ATP2B2: variants seen among roughly 807,000 people sequenced by gnomAD.
ATP2B2 encodes the protein ATPase plasma membrane Ca2+ transporting 2, also known as plasma membrane calcium-transporting ATPase 2.
ATP2B2 carries 15 observed loss-of-function variants against 120.0 expected under a neutral mutation model. That is an observed-to-expected ratio of 0.12 (90% confidence interval 0.08 to 0.19). The LOEUF (loss-of-function observed/expected upper bound fraction) is 0.19, where lower values mean the gene tolerates loss of function less well. Among genes scored for constraint, ATP2B2 ranks in the 10% least tolerant of loss-of-function variants. The pLI, the probability that ATP2B2 is intolerant of heterozygous loss-of-function variation, is 1.00. For missense variants in ATP2B2, 1,045 were observed against 1,719.8 expected, an observed-to-expected ratio of 0.61 and a Z score of 6.94; for synonymous variants, 694 against 700.3, an observed-to-expected ratio of 0.99 and a Z score of 0.14.
intron 2 of ATP2B2, among the ~76,000 whole-genome samples, chr3:10,419,605 T>C (rs567368928): frequency 6.6e-6 from 1 of 152,312 alleles, no homozygotes; most frequent in South Asian, 2.1e-4. Context: ...ACTCAGCCTC[T>C]CCGAGGGGCC....
At chr3:10,450,658 A>G (rs893268293) in intron 1 of ATP2B2, among the ~76,000 whole-genome samples, 1 of 150,782 alleles carries the variant, frequency 6.6e-6, no homozygotes, top group African/African-American at 2.5e-5. Context: ...AGGTCCATGG[A>G]GCCCTCACCT....
At chr3:10,703,105 A>G (rs531505103) in intron 1 of ATP2B2, among the ~76,000 whole-genome samples, 99 of 152,272 alleles carry the variant, frequency 6.5e-4, no homozygotes, top group African/African-American at 2.3e-3. Flanking sequence ...GTCCTCCGTC[A>G]TTCTTCAAAG....
At chr3:10,501,003 A>G (rs961670202) in intron 1 of ATP2B2, among the ~76,000 whole-genome samples, 11 of 152,148 alleles carry the variant, frequency 7.2e-5, no homozygotes, top group African/African-American at 2.2e-4. Flanking sequence ...AGCTTTTCCA[A>G]GGTCACTCGC....
At chr3:10,472,204 T>C (rs960752252) in intron 1 of ATP2B2, among the ~76,000 whole-genome samples, 3 of 129,758 alleles carry the variant, frequency 2.3e-5, no homozygotes, top group Non-Finnish European at 5.0e-5. Flanking sequence ...AGCAGGAAGA[T>C]GGGAGCCGGG....
intron 2 of ATP2B2, among the ~76,000 whole-genome samples, chr3:10,542,677 G>A (rs1009728871): frequency 2.6e-5 from 4 of 152,184 alleles, no homozygotes; most frequent in African/African-American, 9.6e-5. Flanking sequence ...CCTCCTGACT[G>A]TAATGGTTTC....
chr3:10,646,560 A>T (rs1324581127), intron 1 of ATP2B2, among the ~76,000 whole-genome samples: 2 of 152,020 alleles, frequency 1.3e-5, no homozygotes, highest in Non-Finnish European at 2.9e-5. Context: ...GCTCTTAAGA[A>T]TGGGGGCCTC....
rs906691837 is a variant in ATP2B2, at chr3:10,463,969, C to T, written c.-319-14107G>A. 6.6e-5 allele frequency among the ~76,000 whole-genome samples: 10 copies of T among 152,184 alleles called. 1 individual carries two copies. The highest frequency in any genetic ancestry group is 2.4e-4 in the African/African-American group (10 of 41,440). On this transcript the variant is annotated intron_variant, in intron 1 of 22. Coordinates refer to ENST00000360273, the MANE Select transcript of ATP2B2 (RefSeq NM_001001331.4). ...CTCAAACTCATCCTCTGCGTCCGCT[C>T]TCCTGGCCCCAGAGCTGCCCCACTG...
intron 1 of ATP2B2, among the ~76,000 whole-genome samples, chr3:10,481,309 C>T (rs977717445): frequency 4.6e-5 from 7 of 151,904 alleles, no homozygotes; most frequent in Admixed American, 1.3e-4. Context: ...CTCACCCCAC[C>T]CCCTCTCTTT....
At chr3:10,385,239 T>G (rs888086688) in intron 8 of ATP2B2, 29 bp downstream of exon 8, 1 of 1,611,842 alleles carries the variant, frequency 6.2e-7, no homozygotes, top group Non-Finnish European at 8.5e-7. Flanking sequence ...CATCCAACCA[T>G]GACCAGGAGC....
chr3:10,618,633 T>C (rs1418376778), intron 2 of ATP2B2, among the ~76,000 whole-genome samples: 2 of 152,198 alleles, frequency 1.3e-5, no homozygotes, highest in African/African-American at 4.8e-5. Context: ...CTTTTGCTTT[T>C]CCACCAAAAG....
intron 2 of ATP2B2, among the ~76,000 whole-genome samples, chr3:10,547,835 C>T (rs1243010957): frequency 6.6e-6 from 1 of 152,230 alleles, no homozygotes; most frequent in Non-Finnish European, 1.5e-5. Context: ...CAGGAAATTT[C>T]TCAGTTTAGA....
rs905081627 is a variant in ATP2B2, at chr3:10,468,442, G to A, written c.-319-18580C>T. On this transcript the variant is annotated intron_variant, in intron 1 of 22. Transcript: ENST00000360273. ...CTGTTAGGAACGGCCCTGGGCCAGA[G>A]GGCTGGCGGCTACCCAATGTTGATT... Among the ~76,000 whole-genome samples the A allele has an allele frequency of 2.6e-4, 39 of 152,256 alleles. 1 individual carries two copies. Among genetic ancestry groups the A allele is most frequent in the African/African-American group, 9.2e-4 (38 of 41,470 alleles).
intron 5 of ATP2B2, among the ~76,000 whole-genome samples, chr3:10,391,273 C>G (rs960851979): frequency 2.6e-5 from 4 of 152,228 alleles, no homozygotes; most frequent in Admixed American, 6.5e-5. Flanking sequence ...CTTGAACTCT[C>G]TGCTGTCCCT....
chr3:10,604,950 G>C (rs534507250), intron 2 of ATP2B2, among the ~76,000 whole-genome samples: 81 of 152,272 alleles, frequency 5.3e-4, no homozygotes, highest in Non-Finnish European at 1.1e-3. Context: ...TTTAGCCCCT[G>C]CTGATCCCTC....
At chr3:10,451,258 C>A (rs1206056778) in intron 1 of ATP2B2, among the ~76,000 whole-genome samples, 1 of 152,178 alleles carries the variant, frequency 6.6e-6, no homozygotes, top group Non-Finnish European at 1.5e-5. Flanking sequence ...CCGCGTTTGT[C>A]TCCGAAGAGC....
chr3:10,546,225 C>G (rs1031099518), intron 2 of ATP2B2, among the ~76,000 whole-genome samples: 1 of 152,152 alleles, frequency 6.6e-6, no homozygotes, highest in African/African-American at 2.4e-5. Flanking sequence ...CCAACTGCCC[C>G]CTGGAGCTGG....
Position 10,375,544 on chromosome 3 carries a change from G to A in ATP2B2, c.1302C>T (p.Pro434=), listed in dbSNP as rs201409433. The A allele has an allele frequency of 1.5e-5, 25 of 1,613,632 alleles. No individual in the cohort carries two copies. Among genetic ancestry groups the A allele is most frequent in the Middle Eastern group, 3.3e-4 (2 of 6,062 alleles). The change falls in exon 11 of 23, where the codon CCC becomes CCT. Residue 434 remains proline (P), a synonymous_variant. Transcript: ENST00000360273. This position sits in a 1 kb window ranked among gnomAD's most constrained non-coding sequence, Gnocchi z 4.2. ...ACTTGACAAAGTACTGCACGTAGAC[G>A]GGCGTGCACTCAGGCAGCCACGGCT... ...NKKPWLPECT[P]VYVQYFVKFF... is the part of the protein sequence containing the mutation.
At chr3:10,676,525 C>G (rs752675692) in intron 1 of ATP2B2, among the ~76,000 whole-genome samples, 3 of 125,334 alleles carry the variant, frequency 2.4e-5, no homozygotes, top group African/African-American at 6.4e-5. Context: ...GGGACAGAAC[C>G]ACACACACAC....
At chr3:10,537,350 T>G (rs2067341640) in intron 2 of ATP2B2, among the ~76,000 whole-genome samples, 2 of 152,210 alleles carry the variant, frequency 1.3e-5, no homozygotes. Flanking sequence ...TTCATTTATT[T>G]AGGCTTTTAA....
Sources: allele counts gnomAD v4.1 joint callset (sites outside exome capture counted in the v4.1 genomes callset), GRCh38; gene constraint gnomAD v4.1.1; non-coding constraint Gnocchi (gnomAD v3.1); transcripts MANE v1.5; gene names NCBI Gene and HGNC (gene_info 2026-07-23, HGNC 2026-07-21).